The following MTA1 variants were observed in gnomAD, a reference collection of about 807,000 sequenced individuals.
The protein encoded by MTA1 is metastasis associated 1, also known as metastasis-associated protein MTA1.
A neutral mutation model predicts 97.0 loss-of-function variants in MTA1; 15 were observed. The ratio of observed to expected loss-of-function variants is 0.15; its 90% CI spans 0.10 to 0.24. The LOEUF is 0.24. Ranked by LOEUF, MTA1 falls within the 10% of genes least tolerant of loss-of-function variation. The pLI, the probability that MTA1 is intolerant of heterozygous loss-of-function variation, is 1.00. For synonymous variants in MTA1, 435 were observed against 417.5 expected (o/e 1.04, Z -0.51); for missense variants, 709 against 1,015.1 (o/e 0.70, Z 4.10).
At chr14:105,445,793 C>A in intron 3 of MTA1, 1 of 526,118 alleles carries the variant, frequency 1.9e-6, no homozygotes. Flanking sequence ...TGGGTGTGGG[C>A]ATCATTGATC....
chr14:105,424,626 G>T lies in MTA1; in HGVS notation c.28+4563G>T, dbSNP rs1555421813. 6.6e-6 allele frequency among the ~76,000 whole-genome samples: 1 copy of T among 152,038 alleles called. No individual in the cohort carries two copies. Among genetic ancestry groups the T allele is most frequent in the Non-Finnish European group, 1.5e-5 (1 of 68,016 alleles). ...TTTGCCTGCCTCAGCCCCCTGAGTA[G>T]CTGGGATTACAGGTGTGCACCACCA... On this transcript the variant is annotated intron_variant, in intron 1 of 20. Transcript: ENST00000331320. The surrounding 1 kb of genome is among the most constrained non-coding windows in gnomAD (Gnocchi z 4.0).
chr14:105,435,087 A>C (rs139213035), intron 1 of MTA1, among the ~76,000 whole-genome samples: 2 of 152,238 alleles, frequency 1.3e-5, no homozygotes, highest in African/African-American at 2.4e-5. Flanking sequence ...ACCACTGAGG[A>C]TGATGCTAGC....
Position 105,469,515 on chromosome 14 carries a change from A to G in MTA1, c.1845+17A>G, listed in dbSNP as rs145645412. 2.9e-3 allele frequency: 4,632 copies of G among 1,612,076 alleles called. 6 individuals carry two copies. The highest frequency in any genetic ancestry group is 3.7e-3 in the Non-Finnish European group (4,406 of 1,179,222). On this transcript the variant is annotated intron_variant, in intron 19 of 20. Transcript: ENST00000331320. ...AGGCACATGGTAAGAGGAACAACCCATGATGGGGTACGGTGCGCTCACCCA... is the reference window on the plus strand; with the variant it reads ...AGGCACATGGTAAGAGGAACAACCCGTGATGGGGTACGGTGCGCTCACCCA...
intron 1 of MTA1, among the ~76,000 whole-genome samples, chr14:105,437,507 C>G (rs1475252391): frequency 6.6e-6 from 1 of 151,774 alleles, no homozygotes; most frequent in East Asian, 1.9e-4. Flanking sequence ...GCAGGTGCGT[C>G]CTCACTGGCG....
intron 10 of MTA1, among the ~76,000 whole-genome samples, chr14:105,462,225 G>C (rs1339422885): frequency 1.3e-5 from 2 of 152,236 alleles, no homozygotes; most frequent in African/African-American, 4.8e-5. Context: ...AGATGCAGTG[G>C]ACCAGACTGA....
At chr14:105,421,955 GC>G (rs1265900277) in intron 1 of MTA1, among the ~76,000 whole-genome samples, 5 of 152,230 alleles carry the variant, frequency 3.3e-5, no homozygotes, top group African/African-American at 4.8e-5. Context: ...TGGCGGAGGG[GC>G]CCCACCATGC....
At chr14:105,423,943 G>A (rs2081930815) in intron 1 of MTA1, among the ~76,000 whole-genome samples, 1 of 152,216 alleles carries the variant, frequency 6.6e-6, no homozygotes, top group African/African-American at 2.4e-5. Flanking sequence ...CGACTTTTGG[G>A]GTCCCACCCA....
chr14:105,463,580 C>T lies in MTA1; in HGVS notation c.1076+29C>T, dbSNP rs782343935. 37 of 1,610,892 alleles carry T rather than the reference C, an allele frequency of 2.3e-5. No homozygotes were observed. Among genetic ancestry groups the T allele is most frequent in the East Asian group, 4.5e-5 (2 of 44,876 alleles). On this transcript the variant is annotated intron_variant, in intron 12 of 20. Coordinates refer to ENST00000331320, the MANE Select transcript of MTA1 (RefSeq NM_004689.4). This position sits in a 1 kb window ranked among gnomAD's most constrained non-coding sequence, Gnocchi z 5.9. ...AGTGTGCCCTCACAGCCGTCGTCCT[C>T]GTGGCCCCGGGGGCCAGGGAGGGTG...
chr14:105,449,420 G>A lies in MTA1; in HGVS notation c.241+11G>A. On this transcript the variant is annotated intron_variant, in intron 4 of 20. Transcript: ENST00000331320. Reference sequence around the variant, plus strand: ...ACAACGGCGAGGAAGGTAAGAGCCGGCCTCCGCAAGGAGGGCGTCCTCCTG... The same window carrying A: ...ACAACGGCGAGGAAGGTAAGAGCCGACCTCCGCAAGGAGGGCGTCCTCCTG... 1 of 1,610,360 alleles carries A rather than the reference G, an allele frequency of 6.2e-7. No individual in the cohort carries two copies. Among genetic ancestry groups the A allele is most frequent in the Non-Finnish European group, 8.5e-7 (1 of 1,178,804 alleles).
At chr14:105,468,794 G>T (rs587620811) in intron 18 of MTA1, among the ~76,000 whole-genome samples, 1 of 152,360 alleles carries the variant, frequency 6.6e-6, no homozygotes, top group South Asian at 2.1e-4. Context: ...ACACAGGGCA[G>T]TGGGGAAGGG....
chr14:105,470,435 T>C lies in MTA1; in HGVS notation c.*220T>C, dbSNP rs1482932186. The C allele has an allele frequency of 8.2e-6, 4 of 485,530 alleles. No homozygotes were observed. The highest frequency in any genetic ancestry group is 1.4e-5 in the Non-Finnish European group (4 of 285,224). The allele number at this position is 485,530 out of a possible 1,614,324, so 30.1% of individuals were successfully genotyped here. On this transcript the variant is annotated 3_prime_UTR_variant, in exon 21 of 21. Transcript: ENST00000331320. The stretch of plus-strand genomic sequence containing the variant: ...TTGTCGTTTTTAGCTTTGTGTTTAC[T>C]TTTTGGCTGGAGCGGAGATGAGGGG...
intron 2 of MTA1, among the ~76,000 whole-genome samples, chr14:105,439,891 G>A (rs1555425272): frequency 6.6e-6 from 1 of 152,198 alleles, no homozygotes; most frequent in African/African-American, 2.4e-5. Context: ...GGTGGCAGCG[G>A]TGACGTGGGG....
intron 1 of MTA1, among the ~76,000 whole-genome samples, chr14:105,421,030 G>A (rs1370883722): frequency 2.6e-5 from 4 of 152,216 alleles, no homozygotes; most frequent in Non-Finnish European, 5.9e-5. Context: ...CGAGTGCCCA[G>A]AACACTCTGT....
intron 9 of MTA1, 98 bp from the exon 10 acceptor site, chr14:105,460,667 C>T: frequency 1.5e-6 from 2 of 1,348,624 alleles, no homozygotes; most frequent in East Asian, 2.5e-5. Context: ...GCTGGGCCTG[C>T]AGTAGGGGAT....
intron 18 of MTA1, chr14:105,469,143 C>T: frequency 1.8e-6 from 1 of 571,358 alleles, no homozygotes; most frequent in Non-Finnish European, 3.3e-6. Context: ...CGAGGCTTTG[C>T]TTGTCTCGGC....
chr14:105,460,301 G>C, intron 8 of MTA1, 57 bp from the exon 9 acceptor site: 1 of 1,498,308 alleles, frequency 6.7e-7, no homozygotes, highest in South Asian at 1.3e-5. Flanking sequence ...GGAGCGGTGT[G>C]CCTGTGGGGA....
At position 105,447,561 on chromosome 14, in the gene MTA1, C is replaced by T. The variant is rs587750861; in HGVS notation, c.191-1798C>T. ...GAGGGCAGGTTTTCCAGAAGGGCCTCGTTGGGGCTGATAGGACTGGGTGGA... is the reference window on the plus strand; with the variant it reads ...GAGGGCAGGTTTTCCAGAAGGGCCTTGTTGGGGCTGATAGGACTGGGTGGA... On this transcript the variant is annotated intron_variant, in intron 3 of 20. Coordinates refer to ENST00000331320, the MANE Select transcript of MTA1 (RefSeq NM_004689.4). Among the ~76,000 whole-genome samples the T allele has an allele frequency of 5.3e-5, 8 of 152,292 alleles. No homozygotes were observed. In the South Asian group the frequency reaches 1.0e-3, roughly 20 times the overall value.
At chr14:105,427,706 G>A (rs1369499424) in intron 1 of MTA1, among the ~76,000 whole-genome samples, 2 of 152,024 alleles carry the variant, frequency 1.3e-5, no homozygotes, top group African/African-American at 4.8e-5. Context: ...CTCTGGGTGC[G>A]TGTATATTTT....
intron 16 of MTA1, chr14:105,466,129 A>C: frequency 1.3e-5 from 6 of 472,190 alleles, no homozygotes; most frequent in East Asian, 8.4e-5. Flanking sequence ...GGGCCTGTGT[A>C]TGGATCCTGT....
Sources: allele counts gnomAD v4.1 joint callset (sites outside exome capture counted in the v4.1 genomes callset), GRCh38; gene constraint gnomAD v4.1.1; non-coding constraint Gnocchi (gnomAD v3.1); transcripts MANE v1.5; gene names NCBI Gene and HGNC (gene_info 2026-07-23, HGNC 2026-07-21).